LRRC40: variants seen among roughly 807,000 people sequenced by gnomAD.
LRRC40 encodes the protein leucine-rich repeat-containing protein 40.
In LRRC40, 76 loss-of-function variants were observed where a neutral mutation model predicts 72.8. The observed-to-expected ratio is 1.04, with a 90% CI of 0.87 to 1.26. LRRC40 has a LOEUF of 1.26. Ranked by LOEUF, LRRC40 falls within the 50% of genes most tolerant of loss-of-function variation. The probability of loss-of-function intolerance (pLI) is 0.00; values close to 1 mark genes in which losing one functional copy is unlikely to be tolerated. For missense variants in LRRC40, 684 were observed against 698.9 expected (o/e 0.98, Z 0.24); for synonymous variants, 243 against 254.2 (o/e 0.96, Z 0.42).
At chr1:70,198,583 C>T (rs1668665769) in intron 1 of LRRC40, among the ~76,000 whole-genome samples, 2 of 152,174 alleles carry the variant, frequency 1.3e-5, no homozygotes, top group South Asian at 2.1e-4. Context: ...CTGTCACTTA[C>T]ATGTACAGTA....
chr1:70,195,333 T>C (rs530358437), intron 1 of LRRC40, among the ~76,000 whole-genome samples: 1 of 148,948 alleles, frequency 6.7e-6, no homozygotes, highest in Admixed American at 6.7e-5. Context: ...GTATCTCAAA[T>C]ATATACAAAG....
At chr1:70,170,700 C>T (rs1667982717) in intron 9 of LRRC40, among the ~76,000 whole-genome samples, 1 of 152,070 alleles carries the variant, frequency 6.6e-6, no homozygotes, top group South Asian at 2.1e-4. Context: ...AACTATAAAA[C>T]ATTGTTTAAA....
At chr1:70,204,461 GAT>G (rs960584976) in intron 1 of LRRC40, among the ~76,000 whole-genome samples, 6 of 151,734 alleles carry the variant, frequency 4.0e-5, no homozygotes, top group African/African-American at 1.5e-4. Context: ...AAACCAAGTA[GAT>G]ATATATATAT....
chr1:70,159,524 G>A (rs1479607025), intron 9 of LRRC40, 86 bp from the exon 10 acceptor site: 21 of 540,822 alleles, frequency 3.9e-5, no homozygotes, highest in Middle Eastern at 5.5e-4. Context: ...AACAGTGTAC[G>A]TGATTTCTAG....
intron 4 of LRRC40, among the ~76,000 whole-genome samples, chr1:70,183,126 G>C (rs1668281774): frequency 6.6e-6 from 1 of 152,138 alleles, no homozygotes; most frequent in Non-Finnish European, 1.5e-5. Flanking sequence ...TGGTTGAGAA[G>C]AGTATATATT....
intron 1 of LRRC40, among the ~76,000 whole-genome samples, chr1:70,192,600 G>A (rs1250559578): frequency 3.3e-5 from 5 of 152,122 alleles, no homozygotes; most frequent in Non-Finnish European, 7.4e-5. Context: ...TAAAGAAAAT[G>A]TGGTACATAT....
chr1:70,205,186 T>C lies in LRRC40; in HGVS notation c.151+204A>G, dbSNP rs1286302572. ...GACCGTATTTTTAGCAGGGTCCCTT[T>C]AACAGAGATTGCGGGAACCTGGGAA... On this transcript the variant is annotated intron_variant, in intron 1 of 14. Coordinates refer to ENST00000370952, the MANE Select transcript of LRRC40 (RefSeq NM_017768.5). 5.3e-5 allele frequency among the ~76,000 whole-genome samples: 8 copies of C among 152,164 alleles called. No individual in the cohort carries two copies. In the East Asian group the frequency reaches 1.5e-3, roughly 29 times the overall value.
rs910436326 is a variant in LRRC40, at chr1:70,181,227, C to G, written c.538-18G>C. On this transcript the variant is annotated intron_variant, in intron 4 of 14. Transcript: ENST00000370952. ...GAAAGATCCTTTAAAAAGAGAAAGA[C>G]AAAATAAATGAATAAACAAGTAAAA... 6 of 1,439,282 alleles carry G rather than the reference C, an allele frequency of 4.2e-6. No individual in the cohort carries two copies. The Admixed American group carries it at 1.2e-4, about 29-fold the overall frequency. 89.2% of individuals were successfully genotyped at this position (1,439,282 alleles called of 1,614,324 possible).
chr1:70,166,771 C>A (rs1256512910), intron 9 of LRRC40, among the ~76,000 whole-genome samples: 1 of 151,540 alleles, frequency 6.6e-6, no homozygotes, highest in African/African-American at 2.4e-5. Flanking sequence ...TTTAAAGTAG[C>A]TGAGCTGGAT....
In LRRC40 at chr1:70,178,928, C is replaced by T; in HGVS notation, c.727G>A (p.Glu243Lys). 6.2e-7 allele frequency: 1 copy of T among 1,601,104 alleles called. No individual in the cohort carries two copies. The highest frequency in any genetic ancestry group is 8.5e-7 in the Non-Finnish European group (1 of 1,171,208). Residue 243 changes from glutamate (E) to lysine (K), a missense_variant, in exon 6 of 15, where the codon GAA becomes AAA. By Grantham distance (56) the Glu-to-Lys change is moderately conservative. Transcript: ENST00000370952. Reference sequence around the variant, plus strand: ...CGCAAATAAAGCAATTCTAGTGATTCCATGCCAGCCAATTCAGGAGGTATA... The same window carrying T: ...CGCAAATAAAGCAATTCTAGTGATTTCATGCCAGCCAATTCAGGAGGTATA... ...ETIPPELAGM[E>K]SLELLYLRRN...
chr1:70,160,544 T>A (rs888974201), intron 9 of LRRC40, among the ~76,000 whole-genome samples: 6 of 152,142 alleles, frequency 3.9e-5, no homozygotes, highest in Admixed American at 3.3e-4. Flanking sequence ...TAAGTTACTT[T>A]AAATAATATG....
intron 13 of LRRC40, 102 bp from the exon 14 acceptor site, chr1:70,148,774 T>G: frequency 1.5e-6 from 1 of 670,660 alleles, no homozygotes; most frequent in South Asian, 3.2e-5. Flanking sequence ...TTTTCTTTAG[T>G]GTATGTTATT....
intron 1 of LRRC40, among the ~76,000 whole-genome samples, chr1:70,203,154 C>T (rs1450500003): frequency 6.6e-6 from 1 of 151,916 alleles, no homozygotes; most frequent in Non-Finnish European, 1.5e-5. Flanking sequence ...CTCAATTTGC[C>T]AGAGTGCTGG....
chr1:70,159,297 C>G, intron 10 of LRRC40, 33 bp downstream of exon 10: 1 of 1,018,554 alleles, frequency 9.8e-7, no homozygotes, highest in Non-Finnish European at 1.4e-6. Context: ...GACCCTATCT[C>G]TATAAAAATA....
At chr1:70,197,998 G>C (rs1668654428) in intron 1 of LRRC40, among the ~76,000 whole-genome samples, 1 of 152,136 alleles carries the variant, frequency 6.6e-6, no homozygotes, top group Non-Finnish European at 1.5e-5. Flanking sequence ...CCAGGCTCAA[G>C]TGATCCGCCT....
chr1:70,163,048 G>A (rs1380853341), intron 9 of LRRC40, among the ~76,000 whole-genome samples: 3 of 151,450 alleles, frequency 2.0e-5, no homozygotes, highest in South Asian at 4.2e-4. Flanking sequence ...TTTGGCAATG[G>A]CAAGTCTGTA....
chr1:70,151,125 TACCTATTAAAGG>T lies in LRRC40; in HGVS notation c.1508_1517+2del. The T allele has an allele frequency of 6.8e-7, 1 of 1,477,332 alleles. No homozygotes were observed. Among genetic ancestry groups the T allele is most frequent in the Non-Finnish European group, 9.4e-7 (1 of 1,058,702 alleles). 91.5% of individuals were successfully genotyped at this position (1,477,332 alleles called of 1,614,324 possible). On this transcript the variant is annotated splice_donor_variant and coding_sequence_variant, in exon 13 of 15. Coordinates refer to ENST00000370952, the MANE Select transcript of LRRC40 (RefSeq NM_017768.5). LOFTEE classifies it high-confidence loss of function. ...TAACAATTAGAATTGTCTGTTCTCTTACCTATTAAAGGAAAGATTGATCGTTTGCAGTCTTAC... is the reference window on the plus strand; with the variant it reads ...TAACAATTAGAATTGTCTGTTCTCTTAAAGATTGATCGTTTGCAGTCTTAC...
intron 13 of LRRC40, among the ~76,000 whole-genome samples, chr1:70,149,176 A>G (rs1667399149): frequency 6.6e-6 from 1 of 152,220 alleles, no homozygotes; most frequent in Non-Finnish European, 1.5e-5. Context: ...TGAAGATGCC[A>G]CAAGATATGG....
Position 70,175,805 on chromosome 1 carries a change from C to T in LRRC40, c.977+5G>A. ...AATTTCTATTCATTTGATATTTAAA[C>T]TTACCTACTAATATCATTGTTGCTT... On this transcript the variant is annotated splice_donor_5th_base_variant and intron_variant, in intron 7 of 14. Transcript: ENST00000370952. 6.5e-7 allele frequency: 1 copy of T among 1,528,020 alleles called. No individual in the cohort carries two copies. The highest frequency in any genetic ancestry group is 8.8e-7 in the Non-Finnish European group (1 of 1,134,174). 94.7% of individuals were successfully genotyped at this position (1,528,020 alleles called of 1,614,324 possible).
Sources: gnomAD v4.1 joint callset for allele counts (sites outside exome capture counted in the v4.1 genomes callset) on GRCh38, gnomAD v4.1.1 for gene constraint, MANE v1.5 for transcripts, NCBI Gene and HGNC (gene_info 2026-07-23, HGNC 2026-07-21) for gene names.